Variants in CMSS1 observed in about 807,000 individuals in gnomAD.
CMSS1 encodes the protein protein CMSS1.
CMSS1 carries 33 observed loss-of-function variants against 43.5 expected under a neutral mutation model. That is an observed-to-expected ratio of 0.76 (90% CI 0.57 to 1.01). CMSS1 has a LOEUF of 1.01. Among genes scored for constraint, CMSS1 ranks in the 50% least tolerant of loss-of-function variants. The probability of loss-of-function intolerance (pLI) is 0.00; values close to 1 mark genes in which losing one functional copy is unlikely to be tolerated. For synonymous variants in CMSS1, 115 were observed against 117.2 expected (o/e 0.98, Z 0.12); for missense variants, 313 against 326.4 (o/e 0.96, Z 0.32).
intron 1 of CMSS1, among the ~76,000 whole-genome samples, chr3:100,119,580 T>C (rs937509996): frequency 6.6e-6 from 1 of 152,210 alleles, no homozygotes; most frequent in African/African-American, 2.4e-5. Context: ...CAACACATCA[T>C]AGAATTGATG....
chr3:100,151,692 C>T (rs1382389161), intron 2 of CMSS1, among the ~76,000 whole-genome samples: 1 of 152,114 alleles, frequency 6.6e-6, no homozygotes, highest in African/African-American at 2.4e-5. Context: ...AATATGAGTA[C>T]CGGGAGATCG....
chr3:99,930,072 C>T, intron 1 of CMSS1: 1 of 1,485,384 alleles, frequency 6.7e-7, no homozygotes, highest in East Asian at 2.4e-5. Context: ...CTGTCTCTAC[C>T]AGCAGTCTCA....
At chr3:100,036,881 A>T (rs188812104) in intron 1 of CMSS1, among the ~76,000 whole-genome samples, 48 of 152,282 alleles carry the variant, frequency 3.2e-4, no homozygotes, top group African/African-American at 1.2e-3. Context: ...AAGATACGTT[A>T]TTTCTGTGGT....
intron 1 of CMSS1, chr3:99,833,251 AGTG>A: frequency 6.2e-7 from 1 of 1,612,284 alleles, no homozygotes; most frequent in South Asian, 1.1e-5. Context: ...AGGCAGAAGA[AGTG>A]GTTCCACCTA....
chr3:100,025,920 C>T (rs115093596), intron 1 of CMSS1, among the ~76,000 whole-genome samples: 2,453 of 152,184 alleles, frequency 0.016, 38 homozygotes, highest in Non-Finnish European at 0.025. Flanking sequence ...GCCTGGGCCT[C>T]GGAGCTCCCT....
chr3:99,930,998 G>A, intron 1 of CMSS1: 1 of 1,613,700 alleles, frequency 6.2e-7, no homozygotes, highest in Non-Finnish European at 8.5e-7. Flanking sequence ...TGAGCCCTCG[G>A]TATCACTGCC....
intron 1 of CMSS1, among the ~76,000 whole-genome samples, chr3:99,888,542 C>T (rs1432351996): frequency 4.6e-5 from 7 of 152,086 alleles, no homozygotes; most frequent in Non-Finnish European, 7.4e-5. Flanking sequence ...TGAGTTGGTT[C>T]GTTGGTTGGT....
chr3:100,164,871 GA>G (rs1475337905), intron 4 of CMSS1, among the ~76,000 whole-genome samples: 1 of 152,138 alleles, frequency 6.6e-6, no homozygotes, highest in Non-Finnish European at 1.5e-5. Flanking sequence ...TGTAGGGCAG[GA>G]ACATGTCTTT....
intron 1 of CMSS1, among the ~76,000 whole-genome samples, chr3:99,940,428 CCTTT>C (rs1467467300): frequency 6.6e-6 from 1 of 152,182 alleles, no homozygotes; most frequent in Non-Finnish European, 1.5e-5. Context: ...AGTCACTTAA[CCTTT>C]CTATTTTCTT....
intron 1 of CMSS1, among the ~76,000 whole-genome samples, chr3:100,000,883 A>G (rs776852530): frequency 1.3e-5 from 2 of 152,270 alleles, no homozygotes; most frequent in African/African-American, 2.4e-5. Context: ...ACTATGTTGT[A>G]TATAAATGTG....
chr3:100,068,351 T>C (rs920154171), intron 1 of CMSS1, among the ~76,000 whole-genome samples: 3 of 7,386 alleles, frequency 4.1e-4, no homozygotes, highest in African/African-American at 8.9e-4. Context: ...AAAGAGCCTC[T>C]GTGTGTGTGT....
At chr3:100,109,494 G>T (rs764487776) in intron 1 of CMSS1, among the ~76,000 whole-genome samples, 1 of 152,040 alleles carries the variant, frequency 6.6e-6, no homozygotes, top group Non-Finnish European at 1.5e-5. Flanking sequence ...TCCCCTCAGC[G>T]TCAGCTGTTG....
At chr3:99,989,178 G>GATAAATTAAATGT (rs1172684512) in intron 1 of CMSS1, among the ~76,000 whole-genome samples, 2 of 152,148 alleles carry the variant, frequency 1.3e-5, no homozygotes, top group Non-Finnish European at 2.9e-5. Context: ...TTTTCTTGGA[G>GATAAATTAAATGT]ATAAATTAAA....
chr3:99,931,175 A>T, intron 1 of CMSS1: 1 of 653,558 alleles, frequency 1.5e-6, no homozygotes. Context: ...GCAGAGAAGG[A>T]TATTAGCAGA....
In CMSS1 at chr3:99,952,020, A is replaced by T. The variant is rs147121381; in HGVS notation, c.64+133977A>T. On this transcript the variant is annotated intron_variant, in intron 1 of 9. Transcript: ENST00000421999. ...ACCCTTAGTTGAAATTTATTTTAAAAATTACTGTTTATTCCAGTGGACCAT... is the reference window on the plus strand; with the variant it reads ...ACCCTTAGTTGAAATTTATTTTAAATATTACTGTTTATTCCAGTGGACCAT... 6.7e-3 allele frequency among the ~76,000 whole-genome samples: 1,024 copies of T among 152,328 alleles called. 3 individuals are homozygous for T. Among genetic ancestry groups the T allele is most frequent in the African/African-American group, 8.5e-3 (353 of 41,576 alleles).
chr3:100,106,647 A>C (rs2066399996), intron 1 of CMSS1, among the ~76,000 whole-genome samples: 1 of 152,186 alleles, frequency 6.6e-6, no homozygotes, highest in Non-Finnish European at 1.5e-5. Flanking sequence ...AGGATCCAGA[A>C]GCATATGCAT....
intron 1 of CMSS1, 68 bp from the exon 2 acceptor site, chr3:100,146,905 T>C: frequency 3.2e-6 from 5 of 1,544,090 alleles, no homozygotes; most frequent in Non-Finnish European, 4.4e-6. Flanking sequence ...TCTAGAAAGA[T>C]GGTACCAAGA....
intron 1 of CMSS1, among the ~76,000 whole-genome samples, chr3:100,113,214 A>G (rs903331889): frequency 6.6e-6 from 1 of 152,236 alleles, no homozygotes; most frequent in South Asian, 2.1e-4. Context: ...CTGAACACAT[A>G]TCTCTCTTCA....
chr3:100,001,134 GATTTAAA>G lies in CMSS1; in HGVS notation c.65-145838_65-145832del, dbSNP rs543772326. Among the ~76,000 whole-genome samples the G allele has an allele frequency of 2.4e-3, 367 of 152,288 alleles. 1 individual carries two copies. Among genetic ancestry groups the G allele is most frequent in the African/African-American group, 8.3e-3 (346 of 41,562 alleles). ...TAGCTGTCCTCCCAAAATTGGCTTA[GATTTAAA>G]TAGGGTTAAGTGGTGATAAATTTAG... On this transcript the variant is annotated intron_variant, in intron 1 of 9. Coordinates refer to ENST00000421999, the MANE Select transcript of CMSS1 (RefSeq NM_032359.4).
Sources: gnomAD v4.1 joint callset for allele counts (sites outside exome capture counted in the v4.1 genomes callset) on GRCh38, gnomAD v4.1.1 for gene constraint, MANE v1.5 for transcripts, NCBI Gene and HGNC (gene_info 2026-07-23, HGNC 2026-07-21) for gene names.